Variants in NGLY1 observed in about 807,000 individuals in gnomAD.
NGLY1 encodes the protein N-glycanase 1, also known as peptide-N(4)-(N-acetyl-beta-glucosaminyl)asparagine amidase.
A neutral mutation model predicts 84.6 loss-of-function variants in NGLY1; 68 were observed. The observed-to-expected ratio is 0.80, with a 90% CI of 0.66 to 0.98. The LOEUF is 0.98. Among genes scored for constraint, NGLY1 ranks in the 50% least tolerant of loss-of-function variants. The pLI, the probability that NGLY1 is intolerant of heterozygous loss-of-function variation, is 0.00. For missense variants in NGLY1, 779 were observed against 770.2 expected, an observed-to-expected ratio of 1.01 and a Z score of -0.14; for synonymous variants, 280 against 275.2, an observed-to-expected ratio of 1.02 and a Z score of -0.17.
rs1462227827 is a variant in NGLY1 at position 25,783,379 on chromosome 3, C to T, written c.12G>A (p.Ala4=). 6 of 1,541,302 alleles carry T rather than the reference C, an allele frequency of 3.9e-6. No individual in the cohort carries two copies. Among genetic ancestry groups the T allele is most frequent in the South Asian group, 2.4e-5 (2 of 84,514 alleles). MAA[A]ALGSSSGSAS... ...CCGAGCCTGAGGAGCTGCCCAATGC[C>T]GCCGCCGCCATGCTTGAGCGCCAGC... is the stretch of plus-strand genomic sequence containing the variant. The change falls in exon 1 of 12, where the codon GCG becomes GCA. Residue 4 remains alanine (A), a synonymous_variant. Coordinates refer to ENST00000280700, the MANE Select transcript of NGLY1 (RefSeq NM_018297.4). This position sits in a 1 kb window ranked among gnomAD's most constrained non-coding sequence, Gnocchi z 4.5.
intron 3 of NGLY1, among the ~76,000 whole-genome samples, chr3:25,752,242 A>C (rs1207132019): frequency 6.6e-6 from 1 of 152,132 alleles, no homozygotes; most frequent in African/African-American, 2.4e-5. Context: ...TATTTTTTTG[A>C]GACAGAGTCT....
At chr3:25,742,679 G>A (rs1347992339) in intron 4 of NGLY1, among the ~76,000 whole-genome samples, 6 of 152,038 alleles carry the variant, frequency 3.9e-5, no homozygotes, top group Non-Finnish European at 5.9e-5. Flanking sequence ...CTACCATGCA[G>A]CAGCTAGAGT....
At chr3:25,748,936 G>C (rs1199561329) in intron 4 of NGLY1, among the ~76,000 whole-genome samples, 1 of 151,410 alleles carries the variant, frequency 6.6e-6, no homozygotes, top group Non-Finnish European at 1.5e-5. Context: ...ATGTTCAAAA[G>C]ACTTGAATAA....
chr3:25,742,763 A>G (rs1706215282), intron 4 of NGLY1, among the ~76,000 whole-genome samples: 1 of 152,056 alleles, frequency 6.6e-6, no homozygotes, highest in Admixed American at 6.6e-5. Flanking sequence ...CATTCAAAAT[A>G]AAATTCAAAG....
In NGLY1 at chr3:25,719,451, T is replaced by C; in HGVS notation, c.*9A>G. On this transcript the variant is annotated 3_prime_UTR_variant, in exon 12 of 12. Transcript: ENST00000280700. Reference sequence around the variant, plus strand: ...GATTATTGCCAGCTTTTCTATAATGTTCAGGTTCTCAAAGGTCACTGAATT... The same window carrying C: ...GATTATTGCCAGCTTTTCTATAATGCTCAGGTTCTCAAAGGTCACTGAATT... 3.1e-6 allele frequency: 5 copies of C among 1,612,256 alleles called. No homozygotes were observed. Among genetic ancestry groups the C allele is most frequent in the Non-Finnish European group, 4.2e-6 (5 of 1,178,618 alleles).
chr3:25,783,280 G>A lies in NGLY1; in HGVS notation c.111C>T (p.Thr37=). Residue 37 remains threonine, a synonymous_variant, in exon 1 of 12, where the codon ACC becomes ACT. Transcript: ENST00000280700. The surrounding 1 kb of genome is among the most constrained non-coding windows in gnomAD (Gnocchi z 4.5). ...TGCACCTGAGGATGTTGTCAGCATA[G>A]GTGAGCAGCAGCTTGGAGGCCTCCA... ...TFLEASKLLL[T]YADNILRNPN... 1.2e-6 allele frequency: 2 copies of A among 1,609,644 alleles called. No homozygotes were observed. The highest frequency in any genetic ancestry group is 1.7e-6 in the Non-Finnish European group (2 of 1,178,130).
chr3:25,742,393 C>T (rs1433288684), intron 4 of NGLY1, among the ~76,000 whole-genome samples: 1 of 152,030 alleles, frequency 6.6e-6, no homozygotes, highest in Non-Finnish European at 1.5e-5. Flanking sequence ...CTGTCCAATA[C>T]ATATTTGTAA....
Position 25,739,548 on chromosome 3 carries a change from A to G in NGLY1, c.881+29T>C, listed in dbSNP as rs370397253. ...CTTCTAACTATTTCATTAAGAGATT[A>G]TTCTGATTTTACCATCCAGGGCACC... On this transcript the variant is annotated intron_variant, in intron 5 of 11. Transcript: ENST00000280700. 8.1e-5 allele frequency: 129 copies of G among 1,591,238 alleles called. 1 individual carries two copies. The highest frequency in any genetic ancestry group is 1.1e-4 in the Non-Finnish European group (126 of 1,160,442).
At chr3:25,757,165 T>A (rs1376232632) in intron 3 of NGLY1, among the ~76,000 whole-genome samples, 1 of 152,196 alleles carries the variant, frequency 6.6e-6, no homozygotes, top group Non-Finnish European at 1.5e-5. Context: ...AGTTTTAAAG[T>A]TTTTTGATAT....
intron 2 of NGLY1, among the ~76,000 whole-genome samples, chr3:25,776,682 T>C (rs1274235386): frequency 6.6e-6 from 1 of 151,998 alleles, no homozygotes; most frequent in Non-Finnish European, 1.5e-5. Context: ...CAATTAATGA[T>C]ACTCCCATCC....
intron 3 of NGLY1, among the ~76,000 whole-genome samples, chr3:25,760,983 T>C: frequency 6.6e-6 from 1 of 151,302 alleles, no homozygotes; most frequent in South Asian, 2.1e-4. Context: ...TGAGATAAAA[T>C]TAGTTTTAAA....
chr3:25,735,145 T>C (rs945324433), intron 7 of NGLY1: 3 of 153,064 alleles, frequency 2.0e-5, no homozygotes, highest in African/African-American at 7.2e-5. Flanking sequence ...AAAATCATTG[T>C]GACCAAGGGC....
chr3:25,756,412 T>C (rs1240281424), intron 3 of NGLY1, among the ~76,000 whole-genome samples: 1 of 152,244 alleles, frequency 6.6e-6, no homozygotes, highest in Non-Finnish European at 1.5e-5. Flanking sequence ...TTTGCTGTTT[T>C]TCACTCTATG....
intron 2 of NGLY1, among the ~76,000 whole-genome samples, chr3:25,770,994 G>T (rs1434814677): frequency 4.6e-5 from 7 of 152,060 alleles, no homozygotes; most frequent in African/African-American, 1.7e-4. Context: ...CCATTCTGTG[G>T]GTTGTCTGTT....
chr3:25,734,118 G>C (rs1048509476), intron 7 of NGLY1, 136 bp from the exon 8 acceptor site: 5 of 1,183,708 alleles, frequency 4.2e-6, no homozygotes, highest in South Asian at 1.6e-5. Flanking sequence ...CCAGGCTAGA[G>C]TGCAGTGGCG....
intron 10 of NGLY1, 117 bp downstream of exon 10, chr3:25,729,016 T>C (rs1379818499): frequency 1.6e-6 from 1 of 609,088 alleles, no homozygotes; most frequent in African/African-American, 1.9e-5. Flanking sequence ...GTTATAGGAT[T>C]ACTGAAAATA....
At position 25,778,822 on chromosome 3, in the gene NGLY1, T is replaced by G. The variant is rs552247796; in HGVS notation, c.132-134A>C. On this transcript the variant is annotated intron_variant, in intron 1 of 11. Transcript: ENST00000280700. ...TTTTCTTTCTTCCCTAAACCAATGG[T>G]TGTTTTTACTATAAGTAAAAACAGT... 47 of 457,024 alleles carry G rather than the reference T, an allele frequency of 1.0e-4. No individual in the cohort carries two copies. The South Asian group carries it at 2.4e-3, about 24-fold the overall frequency. 28.3% of individuals were successfully genotyped at this position (457,024 alleles called of 1,614,324 possible).
intron 9 of NGLY1, 75 bp from the exon 10 acceptor site, chr3:25,729,393 G>T: frequency 1.1e-6 from 1 of 902,604 alleles, no homozygotes; most frequent in Non-Finnish European, 1.5e-6. Flanking sequence ...TTACTAAGCA[G>T]AGTGGTAAGA....
Position 25,783,229 on chromosome 3 carries a change from G to A in NGLY1, c.131+31C>T. 6.3e-7 allele frequency: 1 copy of A among 1,593,590 alleles called. No individual in the cohort carries two copies. The highest frequency in any genetic ancestry group is 8.6e-7 in the Non-Finnish European group (1 of 1,165,810). ...AAGGTGCCGCGGCCCACCCACCCCGGTACCCGCCGTCCGACCCCGTTGCCC... is the reference window on the plus strand; with the variant it reads ...AAGGTGCCGCGGCCCACCCACCCCGATACCCGCCGTCCGACCCCGTTGCCC... On this transcript the variant is annotated intron_variant, in intron 1 of 11. Transcript: ENST00000280700. This position sits in a 1 kb window ranked among gnomAD's most constrained non-coding sequence, Gnocchi z 4.5.
Sources: gnomAD v4.1 joint callset for allele counts (sites outside exome capture counted in the v4.1 genomes callset) on GRCh38, gnomAD v4.1.1 for gene constraint, Gnocchi (gnomAD v3.1) non-coding constraint, MANE v1.5 for transcripts, NCBI Gene and HGNC (gene_info 2026-07-23, HGNC 2026-07-21) for gene names.